OPCML: variants seen among roughly 807,000 people sequenced by gnomAD.
OPCML encodes the protein opioid binding protein/cell adhesion molecule like.
A neutral mutation model predicts 37.8 loss-of-function variants in OPCML; 13 were observed. The observed-to-expected ratio is 0.34, with a 90% confidence interval of 0.22 to 0.55. The LOEUF (loss-of-function observed/expected upper bound fraction) is 0.55. Ranked by LOEUF, OPCML falls within the 20% of genes least tolerant of loss-of-function variation. OPCML has a pLI of 0.91. For missense variants in OPCML, 341 were observed against 435.6 expected, an observed-to-expected ratio of 0.78 and a Z score of 1.93; for synonymous variants, 176 against 168.8, an observed-to-expected ratio of 1.04 and a Z score of -0.33.
chr11:132,458,294 A>G (rs2096089327), intron 4 of OPCML, among the ~76,000 whole-genome samples: 1 of 152,216 alleles, frequency 6.6e-6, no homozygotes, highest in East Asian at 1.9e-4. Context: ...GATAAGTTGC[A>G]TAAATCTGGT....
intron 1 of OPCML, among the ~76,000 whole-genome samples, chr11:133,200,241 T>C (rs184130584): frequency 5.9e-5 from 9 of 152,310 alleles, no homozygotes; most frequent in African/African-American, 1.4e-4. Flanking sequence ...CACCGTCCTG[T>C]GCATGTCACG....
intron 2 of OPCML, among the ~76,000 whole-genome samples, chr11:132,864,847 A>C (rs1473765792): frequency 6.6e-6 from 1 of 152,230 alleles, no homozygotes; most frequent in African/African-American, 2.4e-5. Flanking sequence ...CAACAACAAC[A>C]TACTGGACTT....
chr11:132,807,051 T>C (rs1355930362), intron 2 of OPCML, among the ~76,000 whole-genome samples: 2 of 152,174 alleles, frequency 1.3e-5, no homozygotes, highest in Non-Finnish European at 2.9e-5. Flanking sequence ...TGTATAGTTT[T>C]GAAATGCCTG....
At chr11:133,490,013 T>C (rs1442198090) in intron 1 of OPCML, among the ~76,000 whole-genome samples, 2 of 152,126 alleles carry the variant, frequency 1.3e-5, no homozygotes, top group African/African-American at 2.4e-5. Flanking sequence ...GAGACCATTA[T>C]CGTAAATAAA....
chr11:132,685,532 A>T (rs894909797), intron 2 of OPCML, among the ~76,000 whole-genome samples: 7 of 152,200 alleles, frequency 4.6e-5, no homozygotes, highest in Admixed American at 4.6e-4. Context: ...ACCACAAAGG[A>T]GAAGACACAT....
Position 132,865,555 on chromosome 11 carries a change from C to A in OPCML, c.146+77371G>T, listed in dbSNP as rs558263689. Among the ~76,000 whole-genome samples, 14 of 152,322 alleles carry A rather than the reference C, an allele frequency of 9.2e-5. No individual in the cohort carries two copies. The East Asian group carries it at 2.7e-3, about 29-fold the overall frequency. ...GTTTTCATGGTATTTCTGAAGCTGC[C>A]TGAATCCAGCTTACTGTTTAGAAAG... On this transcript the variant is annotated intron_variant, in intron 2 of 7. Coordinates refer to ENST00000524381, the MANE Select transcript of OPCML (RefSeq NM_001012393.5).
intron 4 of OPCML, among the ~76,000 whole-genome samples, chr11:132,456,295 GA>G (rs2096082637): frequency 6.6e-6 from 1 of 152,098 alleles, no homozygotes; most frequent in South Asian, 2.1e-4. Flanking sequence ...GAACAAGTCA[GA>G]ACAAAAGAAA....
chr11:133,149,064 C>T (rs1021476185), intron 1 of OPCML, among the ~76,000 whole-genome samples: 3 of 152,196 alleles, frequency 2.0e-5, no homozygotes, highest in East Asian at 1.9e-4. Context: ...CACACTTCAC[C>T]TGCTCTCTGA....
rs1939397206 is a variant in OPCML, at chr11:133,212,323, T to C, written c.62-269313A>G. 6.6e-6 allele frequency among the ~76,000 whole-genome samples: 1 copy of C among 152,074 alleles called. No homozygotes were observed. Among genetic ancestry groups the C allele is most frequent in the East Asian group, 1.9e-4 (1 of 5,176 alleles). ...CTACCGCCCTGCTTCCCATTTCCTC[T>C]CAGATCTCATCTCCTGCCACTCTCC... is the stretch of plus-strand genomic sequence containing the variant. On this transcript the variant is annotated intron_variant, in intron 1 of 7. Coordinates refer to ENST00000524381, the MANE Select transcript of OPCML (RefSeq NM_001012393.5). The surrounding 1 kb of genome is among the most constrained non-coding windows in gnomAD (Gnocchi z 4.9).
chr11:132,946,386 G>A (rs115493929), intron 1 of OPCML, among the ~76,000 whole-genome samples: 2,655 of 152,214 alleles, frequency 0.017, 63 homozygotes, highest in African/African-American at 0.052. Flanking sequence ...TAACATAGTC[G>A]TTTATATTGT....
chr11:132,751,030 A>C (rs188155160), intron 2 of OPCML, among the ~76,000 whole-genome samples: 1 of 152,210 alleles, frequency 6.6e-6, no homozygotes, highest in African/African-American at 2.4e-5. Context: ...ATAAAATATT[A>C]TCAAGTGGTG....
At chr11:133,332,408 G>A (rs1015953287) in intron 1 of OPCML, among the ~76,000 whole-genome samples, 4 of 152,100 alleles carry the variant, frequency 2.6e-5, no homozygotes, top group Admixed American at 2.0e-4. Context: ...CTATTTGGAT[G>A]CCCTTTATTT....
intron 2 of OPCML, among the ~76,000 whole-genome samples, chr11:132,783,541 T>C (rs1947104002): frequency 1.3e-5 from 2 of 152,210 alleles, no homozygotes; most frequent in Admixed American, 1.3e-4. Context: ...CAACTAATAC[T>C]TTTTGGAGTT....
rs549756798 is a variant in OPCML, at chr11:132,589,741, A to G, written c.380-60555T>C. Among the ~76,000 whole-genome samples the G allele has an allele frequency of 2.0e-5, 3 of 152,162 alleles. No homozygotes were observed. In the South Asian group the frequency reaches 6.2e-4, roughly 32 times the overall value. ...GAGGAGAGAATAGGAGAATGGGCAG[A>G]GTGACTGGAGCATAGTTAAGAAGAC... On this transcript the variant is annotated intron_variant, in intron 3 of 7. Coordinates refer to ENST00000524381, the MANE Select transcript of OPCML (RefSeq NM_001012393.5).
intron 2 of OPCML, among the ~76,000 whole-genome samples, chr11:132,896,382 C>T (rs574751202): frequency 6.6e-6 from 1 of 152,314 alleles, no homozygotes; most frequent in East Asian, 1.9e-4. Flanking sequence ...ATGGGAGCTG[C>T]TGTTATTCAG....
intron 1 of OPCML, among the ~76,000 whole-genome samples, chr11:133,492,678 G>A (rs1183000677): frequency 6.7e-6 from 1 of 149,040 alleles, no homozygotes; most frequent in East Asian, 2.0e-4. Context: ...TTAATATCAG[G>A]GAGACAGATA....
intron 2 of OPCML, among the ~76,000 whole-genome samples, chr11:132,711,335 A>G (rs1055771578): frequency 1.3e-5 from 2 of 152,224 alleles, no homozygotes; most frequent in Non-Finnish European, 2.9e-5. Flanking sequence ...CAAAAGAATG[A>G]CATTCAATAG....
At chr11:133,245,377 T>C (rs1418381815) in intron 1 of OPCML, among the ~76,000 whole-genome samples, 1 of 152,216 alleles carries the variant, frequency 6.6e-6, no homozygotes, top group Non-Finnish European at 1.5e-5. Context: ...AATATTAAAA[T>C]GAGTCTCTAT....
chr11:132,496,781 G>A (rs535181147), intron 4 of OPCML, among the ~76,000 whole-genome samples: 2 of 152,312 alleles, frequency 1.3e-5, no homozygotes, highest in South Asian at 2.1e-4. Flanking sequence ...ATTACAAAAT[G>A]CTACCAGGTT....
Sources: gnomAD v4.1 joint callset for allele counts (sites outside exome capture counted in the v4.1 genomes callset) on GRCh38, gnomAD v4.1.1 for gene constraint, Gnocchi (gnomAD v3.1) non-coding constraint, MANE v1.5 for transcripts, NCBI Gene and HGNC (gene_info 2026-07-23, HGNC 2026-07-21) for gene names.